Variants in RIGI observed in about 807,000 individuals in gnomAD.
RIGI encodes antiviral innate immune response receptor RIG-I.
At chr9:32,457,119 A>T in the RIGI span, 2 of 1,610,026 alleles carry the variant, frequency 1.2e-6, no homozygotes, top group Non-Finnish European at 1.7e-6. Flanking sequence ...TGAGGACCTG[A>T]TATCATTTGG....
At chr9:32,459,631 A>T in the RIGI span, 1 of 955,652 alleles carries the variant, frequency 1.0e-6, no homozygotes, top group Non-Finnish European at 1.5e-6. Context: ...TTCATATACA[A>T]CTTCCATGAA....
chr9:32,480,108 A>T, the RIGI span: 1 of 1,223,970 alleles, frequency 8.2e-7, no homozygotes, highest in Non-Finnish European at 1.1e-6. Context: ...ATCCAGGACA[A>T]CTCCCTAAGC....
At chr9:32,483,867 G>A in the RIGI span, among the ~76,000 whole-genome samples, 29 of 151,868 alleles carry the variant, frequency 1.9e-4, no homozygotes, top group Non-Finnish European at 2.8e-4. Context: ...TATTCCCTGT[G>A]CCTGAAACAC....
chr9:32,508,787 G>C, the RIGI span, among the ~76,000 whole-genome samples: 1 of 152,084 alleles, frequency 6.6e-6, no homozygotes, highest in Admixed American at 6.6e-5. Flanking sequence ...TGAAGCCAGG[G>C]AGCCAAGTGG....
the RIGI span, chr9:32,476,959 T>C: frequency 1.6e-5 from 25 of 1,596,632 alleles, no homozygotes; most frequent in South Asian, 2.2e-5. Context: ...CCATTTGTTA[T>C]CTACAAGGAG....
At chr9:32,493,761 C>G in the RIGI span, 2 of 1,541,736 alleles carry the variant, frequency 1.3e-6, no homozygotes, top group African/African-American at 2.8e-5. Context: ...ATTAACTTAC[C>G]TGTAGAATTT....
At chr9:32,510,658 A>G in the RIGI span, among the ~76,000 whole-genome samples, 13 of 152,204 alleles carry the variant, frequency 8.5e-5, no homozygotes, top group Non-Finnish European at 1.8e-4. Flanking sequence ...GACCATCGAC[A>G]CTATGAAGAA....
chr9:32,458,943 G>A, the RIGI span, among the ~76,000 whole-genome samples: 74 of 147,756 alleles, frequency 5.0e-4, no homozygotes, highest in Middle Eastern at 3.6e-3. Flanking sequence ...AGGCTGGAGC[G>A]CAGTGGCGCG....
At chr9:32,474,169 T>A in the RIGI span, among the ~76,000 whole-genome samples, 692 of 118,498 alleles carry the variant, frequency 5.8e-3, 5 homozygotes, top group African/African-American at 0.021. Context: ...ACTAGTGTAC[T>A]CCAACCTGGG....
chr9:32,489,295 A>C, the RIGI span: 1 of 1,385,438 alleles, frequency 7.2e-7, no homozygotes, highest in South Asian at 1.3e-5. Flanking sequence ...ACAAAAGAAA[A>C]AAAAGGAAGC....
chr9:32,510,242 C>A, the RIGI span, among the ~76,000 whole-genome samples: 1 of 152,174 alleles, frequency 6.6e-6, no homozygotes, highest in East Asian at 1.9e-4. Context: ...CAGAGAACAC[C>A]ACAAAGATAC....
the RIGI span, among the ~76,000 whole-genome samples, chr9:32,518,011 T>C: frequency 2.6e-5 from 4 of 152,322 alleles, no homozygotes; most frequent in African/African-American, 7.2e-5. Flanking sequence ...TTCTCATCTA[T>C]AAAATACTAA....
At chr9:32,499,316 G>GTTTTTTTTTTTTTTTTTTTTTT in the RIGI span, among the ~76,000 whole-genome samples, 15 of 57,628 alleles carry the variant, frequency 2.6e-4, no homozygotes, top group East Asian at 1.1e-3. Flanking sequence ...TTTGTGATTT[G>GTTTTTTTTTTTTTTTTTTTTTT]TTTTTTTTTT....
chr9:32,479,881 C>A, the RIGI span, among the ~76,000 whole-genome samples: 1 of 148,122 alleles, frequency 6.8e-6, no homozygotes, highest in Non-Finnish European at 1.5e-5. Flanking sequence ...TTTTTAATAT[C>A]GTTAAAACAC....
At chr9:32,522,746 G>A in the RIGI span, among the ~76,000 whole-genome samples, 2 of 152,106 alleles carry the variant, frequency 1.3e-5, no homozygotes, top group East Asian at 3.9e-4. Context: ...TGCCCACCAC[G>A]CCATTCCTCA....
At chr9:32,468,432 A>G in the RIGI span, among the ~76,000 whole-genome samples, 1,609 of 152,294 alleles carry the variant, frequency 0.011, 27 homozygotes, top group African/African-American at 0.036. Context: ...TTAGGAGGCC[A>G]AGGCAGGTGA....
At chr9:32,457,525 G>A in the RIGI span, 4 of 940,188 alleles carry the variant, frequency 4.3e-6, no homozygotes, top group South Asian at 2.3e-5. Context: ...CTGAGGCAAA[G>A]AACAGGTGGG....
At chr9:32,496,461 CA>C in the RIGI span, among the ~76,000 whole-genome samples, 12 of 152,186 alleles carry the variant, frequency 7.9e-5, no homozygotes, top group Admixed American at 5.9e-4. Context: ...CAAAACAGAA[CA>C]AAAAGGGAGA....
At chr9:32,469,059 T>C in the RIGI span, among the ~76,000 whole-genome samples, 20 of 152,126 alleles carry the variant, frequency 1.3e-4, no homozygotes, top group African/African-American at 4.8e-4. Context: ...CCAGATAAGG[T>C]CATAGTGGAG....
Sources: allele counts gnomAD v4.1 joint callset (sites outside exome capture counted in the v4.1 genomes callset), GRCh38; gene constraint gnomAD v4.1.1; transcripts MANE v1.5; gene names NCBI Gene and HGNC (gene_info 2026-07-23, HGNC 2026-07-21).